GTF2H3: variants seen among roughly 807,000 people sequenced by gnomAD.
The protein encoded by GTF2H3 is general transcription factor IIH subunit 3, also known as TFIIH basal transcription factor complex p34 subunit.
In GTF2H3, 42 loss-of-function variants were observed where a neutral mutation model predicts 51.1. The ratio of observed to expected loss-of-function variants is 0.82; its 90% CI spans 0.64 to 1.06. The LOEUF is 1.06. GTF2H3 is among the 50% of genes least tolerant of loss of function. GTF2H3 has a pLI of 0.00. For missense variants in GTF2H3, 326 were observed against 366.1 expected, an observed-to-expected ratio of 0.89 and a Z score of 0.89; for synonymous variants, 123 against 123.8, an observed-to-expected ratio of 0.99 and a Z score of 0.04.
At chr12:123,655,888 C>T in intron 9 of GTF2H3, 64 bp downstream of exon 9, 1 of 997,278 alleles carries the variant, frequency 1.0e-6, no homozygotes, top group East Asian at 2.4e-5. Flanking sequence ...ATATTGATTA[C>T]AATTTAAAAT....
At chr12:123,651,130 G>T (rs1955514784) in intron 5 of GTF2H3, 74 bp downstream of exon 5, 1 of 1,088,154 alleles carries the variant, frequency 9.2e-7, no homozygotes. Context: ...CATTTCTTAG[G>T]ACCTTGGGTG....
rs777299151 is a variant in GTF2H3 at position 123,652,506 on chromosome 12, G to A, written c.428-26G>A. 4 of 1,233,960 alleles carry A rather than the reference G, an allele frequency of 3.2e-6. No homozygotes were observed. The African/African-American group carries it at 6.2e-5, about 19-fold the overall frequency. 76.4% of individuals were successfully genotyped at this position (1,233,960 alleles called of 1,614,324 possible). A position where few individuals can be genotyped will look rare whatever the true frequency, so the allele number is the denominator to read the frequency against. ...ATTTATGAAGCAAAATAATATTTTT[G>A]TATTCCTTAATGTTAAGAAATTAAG... On this transcript the variant is annotated intron_variant, in intron 5 of 12. Coordinates refer to ENST00000543341, the MANE Select transcript of GTF2H3 (RefSeq NM_001516.5).
In GTF2H3 at chr12:123,659,863, C is replaced by A; in HGVS notation, c.753C>A (p.Tyr251Ter). 1 of 1,613,820 alleles carries A rather than the reference C, an allele frequency of 6.2e-7. No homozygotes were observed. Among genetic ancestry groups the A allele is most frequent in the Non-Finnish European group, 8.5e-7 (1 of 1,179,732 alleles). ...TCCCACCCCCAGTTCATGTTGACTA[C>A]AGGGCTGCTTGCTTCTGTCATCGAA... is the stretch of plus-strand genomic sequence containing the variant. Reference protein sequence around the residue: ...LILPPPVHVDYRAACFCHRNL... With the variant: ...LILPPPVHVD The change falls in exon 11 of 13, where the codon TAC becomes TAA. Residue 251 changes from tyrosine to a stop codon, truncating the protein, a stop_gained. Transcript: ENST00000543341. LOFTEE classifies it high-confidence loss of function.
chr12:123,642,958 T>C (rs774733872), intron 2 of GTF2H3, among the ~76,000 whole-genome samples: 15 of 152,116 alleles, frequency 9.9e-5, no homozygotes, highest in Non-Finnish European at 2.2e-4. Flanking sequence ...TACCGCAATC[T>C]CCACCTCCCG....
chr12:123,637,287 A>G (rs577879569), intron 1 of GTF2H3, among the ~76,000 whole-genome samples: 1 of 151,800 alleles, frequency 6.6e-6, no homozygotes, highest in Non-Finnish European at 1.5e-5. Context: ...TGTAGTCCTT[A>G]CTACTGGGGA....
chr12:123,643,729 C>T (rs1284622436), intron 2 of GTF2H3, among the ~76,000 whole-genome samples: 2 of 152,078 alleles, frequency 1.3e-5, no homozygotes, highest in African/African-American at 4.8e-5. Flanking sequence ...TGGTTTTTTC[C>T]AGTTTGTAAC....
intron 1 of GTF2H3, among the ~76,000 whole-genome samples, chr12:123,638,172 T>C (rs989105012): frequency 4.6e-5 from 7 of 150,890 alleles, no homozygotes; most frequent in African/African-American, 9.8e-5. Context: ...TATTTTTTTT[T>C]CCCCGAGATG....
chr12:123,655,497 C>T (rs1462300583), intron 8 of GTF2H3: 1 of 402,918 alleles, frequency 2.5e-6, no homozygotes, highest in African/African-American at 2.0e-5. Context: ...ATAATGTTCT[C>T]TGTTGTGGAG....
rs769858898 is a variant in GTF2H3, at chr12:123,645,501, C to A, written c.140C>A (p.Ser47Ter). Residue 47 changes from serine to a stop codon, truncating the protein, a stop_gained, in exon 3 of 13, where the codon TCG (serine) becomes TAG (stop). Coordinates refer to ENST00000543341, the MANE Select transcript of GTF2H3 (RefSeq NM_001516.5). LOFTEE classifies it high-confidence loss of function. ...GATGCCGTGATGGTGCTGGGAAATT[C>A]GCATTTATTCATGAATCGTTCCAAC... ...CIDAVMVLGN[S>*]HLFMNRSNKL... is the part of the protein sequence containing the mutation. The A allele has an allele frequency of 5.0e-6, 8 of 1,609,656 alleles. No individual in the cohort carries two copies. The highest frequency in any genetic ancestry group is 6.8e-6 in the Non-Finnish European group (8 of 1,176,240).
At position 123,639,443 on chromosome 12, in the gene GTF2H3, G is replaced by C. The variant is rs756738027; in HGVS notation, c.93+100G>C. The C allele has an allele frequency of 1.7e-5, 11 of 646,968 alleles. No homozygotes were observed. In the Admixed American group the frequency reaches 2.4e-4, roughly 14 times the overall value. The allele number at this position is 646,968 out of a possible 1,614,324, so 40.1% of individuals were successfully genotyped here. A position where few individuals can be genotyped will look rare whatever the true frequency, so the allele number is the denominator to read the frequency against. On this transcript the variant is annotated intron_variant, in intron 2 of 12. Transcript: ENST00000543341. The stretch of plus-strand genomic sequence containing the variant: ...TTTATTAAAGTATAATTTACATACT[G>C]TAATATTCAGCCACTGTACAATTCA...
rs151178726 is a variant in GTF2H3 at position 123,640,391 on chromosome 12, C to T, written c.93+1048C>T. ...TGCTCTTGTTGCCCAGGCTAGAGTGCAATGGCGCGATCTCGGCTCACTGCA... is the reference window on the plus strand; with the variant it reads ...TGCTCTTGTTGCCCAGGCTAGAGTGTAATGGCGCGATCTCGGCTCACTGCA... On this transcript the variant is annotated intron_variant, in intron 2 of 12. Coordinates refer to ENST00000543341, the MANE Select transcript of GTF2H3 (RefSeq NM_001516.5). 2.5e-4 allele frequency among the ~76,000 whole-genome samples: 36 copies of T among 143,288 alleles called. 2 individuals carry two copies. The East Asian group carries it at 7.2e-3, about 29-fold the overall frequency. The allele number at this position is 143,288 out of a possible 152,430, so 94.0% of individuals were successfully genotyped here. A position where few individuals can be genotyped will look rare whatever the true frequency, so the allele number is the denominator to read the frequency against.
intron 7 of GTF2H3, among the ~76,000 whole-genome samples, chr12:123,653,043 C>A (rs544947792): frequency 6.6e-6 from 1 of 150,952 alleles, no homozygotes; most frequent in South Asian, 2.1e-4. Context: ...TGCAGTGAGC[C>A]GAGATCACAC....
chr12:123,642,901 G>A (rs1468637999), intron 2 of GTF2H3, among the ~76,000 whole-genome samples: 3 of 151,962 alleles, frequency 2.0e-5, no homozygotes, highest in African/African-American at 4.8e-5. Context: ...TTGAGATGGC[G>A]TCTTGCTCTG....
intron 5 of GTF2H3, among the ~76,000 whole-genome samples, chr12:123,651,374 A>AT (rs1169828888): frequency 1.3e-5 from 2 of 151,848 alleles, no homozygotes; most frequent in Admixed American, 6.6e-5. Context: ...CTCCCGGCTA[A>AT]TTTTTTTTGT....
intron 2 of GTF2H3, among the ~76,000 whole-genome samples, chr12:123,645,067 G>A (rs1311744533): frequency 6.6e-6 from 1 of 152,142 alleles, no homozygotes; most frequent in African/African-American, 2.4e-5. Context: ...AAATTTAAAT[G>A]AAGTCTTTTT....
At chr12:123,642,905 T>TG (rs752721087) in intron 2 of GTF2H3, among the ~76,000 whole-genome samples, 6 of 152,120 alleles carry the variant, frequency 3.9e-5, no homozygotes, top group Admixed American at 6.5e-5. Context: ...GATGGCGTCT[T>TG]GCTCTGTCGC....
intron 2 of GTF2H3, among the ~76,000 whole-genome samples, chr12:123,641,581 G>T (rs1446320787): frequency 6.7e-6 from 1 of 149,940 alleles, no homozygotes; most frequent in African/African-American, 2.5e-5. Context: ...TGTCACCCAG[G>T]CTGGATAGCA....
chr12:123,645,325 C>T (rs1955431040), intron 2 of GTF2H3, 130 bp from the exon 3 acceptor site: 1 of 614,446 alleles, frequency 1.6e-6, no homozygotes. Flanking sequence ...CCACCTTGGC[C>T]TCTCAGGGTG....
chr12:123,638,122 T>C (rs964647914), intron 1 of GTF2H3, among the ~76,000 whole-genome samples: 10 of 151,584 alleles, frequency 6.6e-5, no homozygotes, highest in African/African-American at 2.4e-4. Context: ...CTCACCCTCC[T>C]GAGTAGCTGG....
Sources: allele counts gnomAD v4.1 joint callset (sites outside exome capture counted in the v4.1 genomes callset), GRCh38; gene constraint gnomAD v4.1.1; transcripts MANE v1.5; gene names NCBI Gene and HGNC (gene_info 2026-07-23, HGNC 2026-07-21).